SYT1: variants seen among roughly 807,000 people sequenced by gnomAD.
The protein encoded by SYT1 is synaptotagmin 1, also known as synaptotagmin-1.
A neutral mutation model predicts 44.8 loss-of-function variants in SYT1; 8 were observed. The ratio of observed to expected loss-of-function variants is 0.18; its 90% confidence interval spans 0.10 to 0.32. The LOEUF is 0.32. SYT1 is among the 10% of genes least tolerant of loss of function. SYT1 has a pLI of 1.00. For synonymous variants in SYT1, 154 were observed against 188.8 expected (o/e 0.82, Z 1.51); for missense variants, 286 against 509.3 (o/e 0.56, Z 4.22).
intron 8 of SYT1, among the ~76,000 whole-genome samples, chr12:79,347,650 A>G (rs1010150737): frequency 1.3e-5 from 2 of 152,176 alleles, no homozygotes; most frequent in African/African-American, 4.8e-5. Flanking sequence ...AACCTGACTT[A>G]TTCAGTTGTA....
At chr12:79,266,859 G>A (rs1878156915) in intron 4 of SYT1, among the ~76,000 whole-genome samples, 1 of 152,100 alleles carries the variant, frequency 6.6e-6, no homozygotes, top group South Asian at 2.1e-4. Flanking sequence ...AATGTCCCGT[G>A]GATACTTAGG....
intron 2 of SYT1, among the ~76,000 whole-genome samples, chr12:79,027,355 A>G (rs1023508654): frequency 2.6e-5 from 4 of 151,572 alleles, no homozygotes; most frequent in African/African-American, 7.3e-5. Flanking sequence ...CAAGAGTTAT[A>G]TTGATTCACT....
chr12:79,212,041 G>A (rs1874490087), intron 3 of SYT1, among the ~76,000 whole-genome samples: 1 of 152,232 alleles, frequency 6.6e-6, no homozygotes, highest in Non-Finnish European at 1.5e-5. Context: ...AGGAGGTAGA[G>A]GAGTTTGTAT....
chr12:79,051,347 A>G (rs903223951), intron 3 of SYT1, among the ~76,000 whole-genome samples: 5 of 149,796 alleles, frequency 3.3e-5, no homozygotes, highest in African/African-American at 7.3e-5. Flanking sequence ...TATCTCCACT[A>G]TGTATGTATA....
intron 9 of SYT1, among the ~76,000 whole-genome samples, chr12:79,417,768 G>A (rs1387627030): frequency 6.6e-6 from 1 of 151,986 alleles, no homozygotes; most frequent in African/African-American, 2.4e-5. Context: ...TGCTCTCCCT[G>A]AACTGTCATC....
At chr12:79,346,881 T>C (rs1196227009) in intron 8 of SYT1, among the ~76,000 whole-genome samples, 1 of 152,162 alleles carries the variant, frequency 6.6e-6, no homozygotes, top group Non-Finnish European at 1.5e-5. Context: ...GTCCCTGCTC[T>C]TCTGGAGTTT....
chr12:79,136,912 A>G (rs538588188), intron 3 of SYT1, among the ~76,000 whole-genome samples: 1 of 152,216 alleles, frequency 6.6e-6, no homozygotes, highest in Non-Finnish European at 1.5e-5. Flanking sequence ...TTAGGAAACA[A>G]GAAAAATTAT....
chr12:79,323,118 CTT>C (rs77432706), intron 8 of SYT1, among the ~76,000 whole-genome samples: 97 of 141,700 alleles, frequency 6.8e-4, no homozygotes, highest in African/African-American at 1.9e-3. Flanking sequence ...CATTTTCTCT[CTT>C]TTTTTTTTTT....
At chr12:79,027,675 AAAG>A (rs896521769) in intron 2 of SYT1, among the ~76,000 whole-genome samples, 1 of 151,546 alleles carries the variant, frequency 6.6e-6, no homozygotes, top group African/African-American at 2.4e-5. Flanking sequence ...TTTTTTTCCC[AAAG>A]AAGAAGTCAA....
chr12:79,123,128 C>T (rs771947381), intron 3 of SYT1, among the ~76,000 whole-genome samples: 20 of 152,060 alleles, frequency 1.3e-4, no homozygotes, highest in African/African-American at 1.9e-4. Flanking sequence ...CCATTTTATC[C>T]GCAAGTTTCT....
At chr12:78,934,992 A>G (rs1201894236) in intron 1 of SYT1, among the ~76,000 whole-genome samples, 2 of 152,236 alleles carry the variant, frequency 1.3e-5, no homozygotes, top group Non-Finnish European at 2.9e-5. Flanking sequence ...CACGGAAATC[A>G]TGCCTCGCCC....
intron 4 of SYT1, among the ~76,000 whole-genome samples, chr12:79,279,353 C>A (rs1368176168): frequency 6.6e-6 from 1 of 151,946 alleles, no homozygotes; most frequent in African/African-American, 2.4e-5. Flanking sequence ...ATATGCAAGT[C>A]AATAAACATG....
chr12:78,963,836 A>G (rs1879637498), intron 1 of SYT1, among the ~76,000 whole-genome samples: 2 of 152,190 alleles, frequency 1.3e-5, no homozygotes, highest in Admixed American at 1.3e-4. Flanking sequence ...GGTCAAAAGA[A>G]TTAAATCAGG....
intron 8 of SYT1, among the ~76,000 whole-genome samples, chr12:79,330,943 A>C (rs1481940868): frequency 6.6e-6 from 1 of 152,166 alleles, no homozygotes; most frequent in African/African-American, 2.4e-5. Flanking sequence ...TGGGAACCTA[A>C]CATCTTTCAG....
chr12:79,110,664 C>T (rs1878962816), intron 3 of SYT1, among the ~76,000 whole-genome samples: 1 of 152,064 alleles, frequency 6.6e-6, no homozygotes, highest in South Asian at 2.1e-4. Context: ...TCTGATTGAA[C>T]CAATACATTT....
chr12:78,981,415 C>A (rs1164686912), intron 2 of SYT1, among the ~76,000 whole-genome samples: 1 of 152,064 alleles, frequency 6.6e-6, no homozygotes, highest in East Asian at 1.9e-4. Context: ...TGAGAGCCAC[C>A]ATGAGCAGCC....
chr12:79,439,236 C>T (rs185587032), intron 9 of SYT1, among the ~76,000 whole-genome samples: 1 of 152,218 alleles, frequency 6.6e-6, no homozygotes, highest in Admixed American at 6.5e-5. Flanking sequence ...AAGATTCCAC[C>T]TGGAACTCTG....
At chr12:78,968,230 T>C (rs1175775497) in intron 1 of SYT1, among the ~76,000 whole-genome samples, 1 of 151,974 alleles carries the variant, frequency 6.6e-6, no homozygotes, top group Non-Finnish European at 1.5e-5. Flanking sequence ...TAGAGAAAAA[T>C]GTAGCAAGAA....
intron 2 of SYT1, among the ~76,000 whole-genome samples, chr12:79,036,966 T>C (rs1873174112): frequency 6.6e-6 from 1 of 151,796 alleles, no homozygotes; most frequent in Non-Finnish European, 1.5e-5. Flanking sequence ...TTGCCTAAGG[T>C]TATGGACTAA....
Sources: allele counts gnomAD v4.1 joint callset (sites outside exome capture counted in the v4.1 genomes callset), GRCh38; gene constraint gnomAD v4.1.1; transcripts MANE v1.5; gene names NCBI Gene and HGNC (gene_info 2026-07-23, HGNC 2026-07-21).